GMCL1: variants seen among roughly 807,000 people sequenced by gnomAD.
GMCL1 encodes germ cell-less 1, spermatogenesis associated, also known as germ cell-less protein-like 1.
Under a neutral mutation model 75.5 loss-of-function variants are expected in GMCL1, and 54 were observed. That is an observed-to-expected ratio of 0.71 (90% CI 0.57 to 0.90). The LOEUF (loss-of-function observed/expected upper bound fraction) is 0.90. GMCL1 is among the 40% of genes least tolerant of loss of function. The pLI, the probability that GMCL1 is intolerant of heterozygous loss-of-function variation, is 0.00. For synonymous variants in GMCL1, 210 were observed against 209.6 expected, an observed-to-expected ratio of 1.00 and a Z score of -0.02; for missense variants, 537 against 622.7, an observed-to-expected ratio of 0.86 and a Z score of 1.47.
At chr2:69,830,192 C>G in intron 1 of GMCL1, 40 bp downstream of exon 1, 1 of 1,535,604 alleles carries the variant, frequency 6.5e-7, no homozygotes, top group Non-Finnish European at 8.8e-7. Flanking sequence ...CGGACCCGCA[C>G]CTGTTGGGCC....
intron 2 of GMCL1, among the ~76,000 whole-genome samples, chr2:69,838,680 ATTGC>A (rs1344773764): frequency 6.6e-6 from 1 of 152,188 alleles, no homozygotes; most frequent in African/African-American, 2.4e-5. Flanking sequence ...ATATCAGAAT[ATTGC>A]TTTTAACTTC....
At chr2:69,859,897 T>G (rs1418773803) in intron 9 of GMCL1, among the ~76,000 whole-genome samples, 1 of 151,978 alleles carries the variant, frequency 6.6e-6, no homozygotes, top group Non-Finnish European at 1.5e-5. Flanking sequence ...TACATAGAGA[T>G]TGAGAAATAA....
intron 1 of GMCL1, among the ~76,000 whole-genome samples, chr2:69,830,498 C>G (rs1324501187): frequency 6.6e-6 from 1 of 152,204 alleles, no homozygotes; most frequent in Non-Finnish European, 1.5e-5. Flanking sequence ...AGTGGGTAGC[C>G]GCAGAGTAAG....
chr2:69,838,561 T>C (rs1030930463), intron 2 of GMCL1, among the ~76,000 whole-genome samples: 4 of 152,154 alleles, frequency 2.6e-5, no homozygotes, highest in African/African-American at 9.7e-5. Flanking sequence ...ATAAAATTTT[T>C]CAGTAAAAGT....
At chr2:69,877,149 T>C (rs1362367779) in intron 13 of GMCL1, among the ~76,000 whole-genome samples, 2 of 152,092 alleles carry the variant, frequency 1.3e-5, no homozygotes, top group Non-Finnish European at 2.9e-5. Flanking sequence ...ATAAGGAAAA[T>C]AGAACTTTGC....
intron 6 of GMCL1, among the ~76,000 whole-genome samples, 181 bp from the exon 7 acceptor site, chr2:69,847,362 T>G (rs1675184065): frequency 6.6e-6 from 1 of 152,216 alleles, no homozygotes; most frequent in South Asian, 2.1e-4. Flanking sequence ...CTATCTGAAT[T>G]AAAAGTATCC....
In GMCL1 at chr2:69,840,926, T is replaced by C. The variant is rs778481047; in HGVS notation, c.482-16T>C. 1.9e-6 allele frequency: 3 copies of C among 1,567,266 alleles called. No individual in the cohort carries two copies. In the African/African-American group the frequency reaches 4.1e-5, roughly 21 times the overall value. On this transcript the variant is annotated splice_polypyrimidine_tract_variant and intron_variant, in intron 3 of 13. Transcript: ENST00000282570. ...TATAAATATTATTTCATCCTACATG[T>C]GTACCTTGCTTTCAGCACTGCAGGT...
At chr2:69,839,357 T>C in intron 2 of GMCL1, 100 bp from the exon 3 acceptor site, 1 of 623,160 alleles carries the variant, frequency 1.6e-6, no homozygotes, top group South Asian at 2.3e-5. Context: ...TGGATGAGTT[T>C]AGTTAATGGA....
chr2:69,847,038 A>T (rs988551548), intron 6 of GMCL1, among the ~76,000 whole-genome samples: 1 of 143,502 alleles, frequency 7.0e-6, no homozygotes, highest in Non-Finnish European at 1.5e-5. Context: ...AGGTCTCACC[A>T]TGTTGTCCAG....
At chr2:69,876,392 T>C (rs572098155) in intron 13 of GMCL1, among the ~76,000 whole-genome samples, 86 of 152,312 alleles carry the variant, frequency 5.6e-4, no homozygotes, top group Admixed American at 1.4e-3. Flanking sequence ...TGGTTTTACC[T>C]GAGATTTGAA....
At chr2:69,853,449 A>G (rs1044773880) in intron 8 of GMCL1, among the ~76,000 whole-genome samples, 1 of 152,174 alleles carries the variant, frequency 6.6e-6, no homozygotes, top group Non-Finnish European at 1.5e-5. Context: ...TCTTTTTACA[A>G]TTTTCAGGAA....
At chr2:69,850,839 G>A (rs1675297539) in intron 8 of GMCL1, among the ~76,000 whole-genome samples, 1 of 152,150 alleles carries the variant, frequency 6.6e-6, no homozygotes, top group African/African-American at 2.4e-5. Context: ...GCTCCTATGA[G>A]CTAGCAGCAA....
intron 11 of GMCL1, among the ~76,000 whole-genome samples, chr2:69,867,480 C>A (rs1466410896): frequency 6.6e-6 from 1 of 152,186 alleles, no homozygotes; most frequent in African/African-American, 2.4e-5. Context: ...TCTCTAGCAC[C>A]TGGACTCCAA....
At chr2:69,844,226 A>G in intron 6 of GMCL1, 30 bp downstream of exon 6, 1 of 1,183,506 alleles carries the variant, frequency 8.4e-7, no homozygotes, top group East Asian at 2.4e-5. Flanking sequence ...CTTCATAATT[A>G]GTCATCCTAA....
intron 7 of GMCL1, among the ~76,000 whole-genome samples, chr2:69,848,736 G>C (rs979105865): frequency 6.6e-6 from 1 of 152,088 alleles, no homozygotes; most frequent in Non-Finnish European, 1.5e-5. Context: ...GGATGTTTAC[G>C]TGCCGTGCAC....
At chr2:69,854,443 A>G (rs1472764093) in intron 8 of GMCL1, among the ~76,000 whole-genome samples, 1 of 152,166 alleles carries the variant, frequency 6.6e-6, no homozygotes, top group African/African-American at 2.4e-5. Context: ...CTTATCCTTG[A>G]GTGAGGCTTT....
chr2:69,864,916 AAAG>A lies in GMCL1; in HGVS notation c.1165_1167del (p.Glu389del), dbSNP rs759761499. On this transcript the variant is annotated inframe_deletion, in exon 11 of 14. Coordinates refer to ENST00000282570, the MANE Select transcript of GMCL1 (RefSeq NM_178439.5). Reference sequence around the variant, plus strand: ...TATTTTTAGGCCTCAAGAAATCAATAAAGAAGAACTAGAGGGAAACAGCATGAG... The same window carrying A: ...TATTTTTAGGCCTCAAGAAATCAATAAAGAACTAGAGGGAAACAGCATGAG... 8 of 1,611,988 alleles carry A rather than the reference AAAG, an allele frequency of 5.0e-6. No individual in the cohort carries two copies. The highest frequency in any genetic ancestry group is 4.5e-5 in the East Asian group (2 of 44,808).
intron 5 of GMCL1, 66 bp downstream of exon 5, chr2:69,843,327 A>G (rs4853060): frequency 0.037 from 29,754 of 798,404 alleles, 3,515 homozygotes; most frequent in Admixed American, 0.29. Flanking sequence ...TAGTTTCTTA[A>G]GAGAATGTAT....
chr2:69,871,346 T>TG (rs2104050974), intron 12 of GMCL1, among the ~76,000 whole-genome samples: 1 of 152,142 alleles, frequency 6.6e-6, no homozygotes, highest in East Asian at 1.9e-4. Context: ...GATACACTGG[T>TG]GGTTGCCAGG....
Sources: gnomAD v4.1 joint callset for allele counts (sites outside exome capture counted in the v4.1 genomes callset) on GRCh38, gnomAD v4.1.1 for gene constraint, MANE v1.5 for transcripts, NCBI Gene and HGNC (gene_info 2026-07-23, HGNC 2026-07-21) for gene names.